KANK1: variants seen among roughly 807,000 people sequenced by gnomAD.
KANK1 encodes the protein KN motif and ankyrin repeat domains 1, also known as KN motif and ankyrin repeat domain-containing protein 1.
KANK1 carries 109 observed loss-of-function variants against 106.2 expected under a neutral mutation model. That is an observed-to-expected ratio of 1.03 (90% CI 0.88 to 1.20). The LOEUF (loss-of-function observed/expected upper bound fraction) is 1.20, where lower values mean the gene tolerates loss of function less well. Ranked by LOEUF, KANK1 falls within the 50% of genes most tolerant of loss-of-function variation. KANK1 has a pLI of 0.00. For synonymous variants in KANK1, 873 were observed against 652.2 expected, an observed-to-expected ratio of 1.34 and a Z score of -5.16; for missense variants, 2,399 against 1,710.7, an observed-to-expected ratio of 1.40 and a Z score of -7.10.
At chr9:652,728 A>G (rs1841187739) in intron 1 of KANK1, among the ~76,000 whole-genome samples, 1 of 152,252 alleles carries the variant, frequency 6.6e-6, no homozygotes, top group Non-Finnish European at 1.5e-5. Context: ...ATACATGCTT[A>G]TAAAACCACA....
At chr9:742,091 G>GTTCT in intron 9 of KANK1, 114 bp from the exon 10 acceptor site, 1 of 904,752 alleles carries the variant, frequency 1.1e-6, no homozygotes, top group Non-Finnish European at 1.7e-6. Context: ...TCCATCGCCA[G>GTTCT]TTCTTTCCCT....
intron 1 of KANK1, among the ~76,000 whole-genome samples, chr9:668,025 C>G (rs994349893): frequency 2.6e-5 from 4 of 152,306 alleles, no homozygotes; most frequent in African/African-American, 9.6e-5. Context: ...GCCACCACAC[C>G]TAGCCCAAAA....
At chr9:572,718 CAT>C (rs1054975746) in intron 1 of KANK1, among the ~76,000 whole-genome samples, 16 of 152,048 alleles carry the variant, frequency 1.1e-4, no homozygotes, top group South Asian at 4.1e-4. Flanking sequence ...TTTTGAAGGA[CAT>C]GTGTGTTAAG....
intron 3 of KANK1, among the ~76,000 whole-genome samples, chr9:481,534 T>C (rs1313774205): frequency 1.3e-5 from 2 of 152,182 alleles, no homozygotes; most frequent in Non-Finnish European, 2.9e-5. Context: ...GAATGTGGTC[T>C]CCATCCTCAG....
At chr9:643,309 C>G (rs1419598360) in intron 1 of KANK1, among the ~76,000 whole-genome samples, 1 of 150,858 alleles carries the variant, frequency 6.6e-6, no homozygotes. Flanking sequence ...ATTACTTTTA[C>G]TGTAGTTATT....
chr9:685,800 C>T (rs2139244399), intron 2 of KANK1, among the ~76,000 whole-genome samples: 1 of 152,302 alleles, frequency 6.6e-6, no homozygotes. Flanking sequence ...AGCTGTGTGG[C>T]TTTCTGAATT....
At chr9:508,805 C>G (rs1233038870) in intron 1 of KANK1, among the ~76,000 whole-genome samples, 1 of 146,250 alleles carries the variant, frequency 6.8e-6, no homozygotes, top group Non-Finnish European at 1.5e-5. Flanking sequence ...GGGGCATTTA[C>G]ATAGTTTCCA....
chr9:560,259 A>G (rs150542862), intron 1 of KANK1, among the ~76,000 whole-genome samples: 1,853 of 152,360 alleles, frequency 0.012, 24 homozygotes, highest in Non-Finnish European at 0.017. Flanking sequence ...TAAAAAAACT[A>G]CATGTTTCAT....
intron 1 of KANK1, among the ~76,000 whole-genome samples, chr9:554,779 A>C (rs1563761109): frequency 6.6e-6 from 1 of 152,228 alleles, no homozygotes; most frequent in Non-Finnish European, 1.5e-5. Flanking sequence ...ACTACTAAAA[A>C]CAGAATCCTA....
At chr9:672,462 C>G (rs1276002115) in intron 1 of KANK1, among the ~76,000 whole-genome samples, 1 of 152,076 alleles carries the variant, frequency 6.6e-6, no homozygotes, top group East Asian at 1.9e-4. Context: ...ATTAGTAGTA[C>G]TTAATGTTAC....
rs566172062 is a variant in KANK1 at position 509,263 on chromosome 9, A to G, written c.-84+4509A>G. On this transcript the variant is annotated intron_variant, in intron 1 of 11. Coordinates refer to ENST00000382297, the MANE Select transcript of KANK1 (RefSeq NM_015158.5). Reference sequence around the variant, plus strand: ...CAGGCACACGCCACCACGCCCAGCTAATTTTTGTACTTTTAGTAGACACGG... The same window carrying G: ...CAGGCACACGCCACCACGCCCAGCTGATTTTTGTACTTTTAGTAGACACGG... 9.2e-4 allele frequency among the ~76,000 whole-genome samples: 140 copies of G among 152,232 alleles called. 1 individual carries two copies. Among genetic ancestry groups the G allele is most frequent in the African/African-American group, 3.2e-3 (134 of 41,558 alleles).
intron 1 of KANK1, among the ~76,000 whole-genome samples, chr9:595,021 AG>A (rs1825868438): frequency 6.6e-6 from 1 of 151,968 alleles, no homozygotes; most frequent in African/African-American, 2.4e-5. Flanking sequence ...AGATTCGAAA[AG>A]AAAAAAAAGA....
intron 1 of KANK1, among the ~76,000 whole-genome samples, chr9:524,358 C>G (rs1484937737): frequency 9.0e-6 from 1 of 111,466 alleles, no homozygotes; most frequent in Admixed American, 8.7e-5. Context: ...TTTCAAGTAA[C>G]TTTTTGGAGT....
intron 1 of KANK1, among the ~76,000 whole-genome samples, chr9:535,141 C>T (rs1013985203): frequency 6.6e-6 from 1 of 152,162 alleles, no homozygotes; most frequent in African/African-American, 2.4e-5. Flanking sequence ...AATAGAGTCA[C>T]CCAAAGAAAC....
chr9:595,628 C>T (rs148158192), intron 1 of KANK1, among the ~76,000 whole-genome samples: 1 of 151,900 alleles, frequency 6.6e-6, no homozygotes, highest in South Asian at 2.1e-4. Flanking sequence ...TGGGCTCAAG[C>T]AGTCCTCCCA....
At chr9:715,455 C>T (rs918211096) in intron 3 of KANK1, among the ~76,000 whole-genome samples, 2 of 152,198 alleles carry the variant, frequency 1.3e-5, no homozygotes, top group African/African-American at 2.4e-5. Flanking sequence ...ATTTCACATT[C>T]TTGCCAGAAA....
chr9:541,408 T>C (rs1012201834), intron 1 of KANK1, among the ~76,000 whole-genome samples: 1 of 152,140 alleles, frequency 6.6e-6, no homozygotes, highest in African/African-American at 2.4e-5. Context: ...TCACACCATA[T>C]ACAAAAATCA....
intron 3 of KANK1, among the ~76,000 whole-genome samples, chr9:475,281 A>G (rs10974717): frequency 0.17 from 25,253 of 151,912 alleles, 3,131 homozygotes; most frequent in East Asian, 0.53. Flanking sequence ...TACACTGTGC[A>G]TGCTCCCCTC....
chr9:667,609 G>C (rs796127116), intron 1 of KANK1, among the ~76,000 whole-genome samples: 1 of 151,364 alleles, frequency 6.6e-6, no homozygotes, highest in African/African-American at 2.4e-5. Flanking sequence ...CCATAGATTT[G>C]GATATGTTGT....
Sources: allele counts gnomAD v4.1 joint callset (sites outside exome capture counted in the v4.1 genomes callset), GRCh38; gene constraint gnomAD v4.1.1; transcripts MANE v1.5; gene names NCBI Gene and HGNC (gene_info 2026-07-23, HGNC 2026-07-21).